The following KCNT1 variants were observed in gnomAD, a reference collection of about 807,000 sequenced individuals.
The protein encoded by KCNT1 is potassium sodium-activated channel subfamily T member 1.
Under a neutral mutation model 147.8 loss-of-function variants are expected in KCNT1, and 78 were observed. The observed-to-expected ratio is 0.53, with a 90% CI of 0.44 to 0.64. The LOEUF is 0.64. Among genes scored for constraint, KCNT1 ranks in the 30% least tolerant of loss-of-function variants. KCNT1 has a pLI of 0.00. For synonymous variants in KCNT1, 867 were observed against 748.8 expected (o/e 1.16, Z -2.58); for missense variants, 1,419 against 1,750.3 (o/e 0.81, Z 3.38).
At position 135,702,299 on chromosome 9, in the gene KCNT1, G is replaced by C. The variant is rs750374521; in HGVS notation, c.41G>C (p.Cys14Ser). ...GGGGCGCGGACCCCGGGGGGCGTCTGCCGGGAGGCGCGCGGCGGGGGCTAC... is the reference window on the plus strand; with the variant it reads ...GGGGCGCGGACCCCGGGGGGCGTCTCCCGGGAGGCGCGCGGCGGGGGCTAC... ...PDGARTPGGV[C>S]REARGGGYTN... The change falls in exon 1 of 31, where the codon TGC becomes TCC. Residue 14 changes from cysteine to serine, a missense_variant. Physicochemically the swap from Cys to Ser is moderately radical, Grantham distance 112 (BLOSUM62 -1). Transcript: ENST00000371757. 3.7e-6 allele frequency: 6 copies of C among 1,610,058 alleles called. No homozygotes were observed. In the African/African-American group the frequency reaches 8.0e-5, roughly 22 times the overall value.
intron 24 of KCNT1, among the ~76,000 whole-genome samples, chr9:135,781,362 G>T (rs1032522390): frequency 2.0e-5 from 3 of 152,126 alleles, no homozygotes; most frequent in African/African-American, 4.8e-5. Flanking sequence ...AGAGGGTGCC[G>T]TGGACCACCT....
chr9:135,772,628 G>A, intron 18 of KCNT1, 87 bp from the exon 19 acceptor site: 2 of 1,010,168 alleles, frequency 2.0e-6, no homozygotes, highest in Non-Finnish European at 2.7e-6. Context: ...GGTCTCCAGA[G>A]CTGACTGTGT....
At chr9:135,776,110 T>A (rs1271571069) in intron 20 of KCNT1, among the ~76,000 whole-genome samples, 1 of 152,072 alleles carries the variant, frequency 6.6e-6, no homozygotes, top group Non-Finnish European at 1.5e-5. Context: ...CATGGCAAGC[T>A]GGGGTCAGTA....
At chr9:135,754,111 G>A (rs1055274360) in intron 5 of KCNT1, 118 bp downstream of exon 5, 1 of 891,702 alleles carries the variant, frequency 1.1e-6, no homozygotes, top group African/African-American at 1.7e-5. Context: ...CTGGGACCAG[G>A]GTGGGGTGGG....
chr9:135,775,324 A>G lies in KCNT1; in HGVS notation c.2258A>G (p.Tyr753Cys), dbSNP rs745342758. ...TCCTGCCCCAGGTATGTGAAGGGCT[A>G]CCCTCCCAACTCGCCCTACATCGGC... ...GLSVVEYVKG[Y>C]PPNSPYIGSS... is the part of the protein sequence containing the mutation. Residue 753 changes from tyrosine to cysteine, a missense_variant, in exon 20 of 31, where the codon TAC becomes TGC. Physicochemically the swap from Tyr to Cys is radical, Grantham distance 194. Around this residue, in one of 5 missense-constraint regions of KCNT1, gnomAD observed 247 missense variants for 397.1 expected, o/e 0.62. Coordinates refer to ENST00000371757, the MANE Select transcript of KCNT1 (RefSeq NM_020822.3). 1.2e-6 allele frequency: 2 copies of G among 1,607,074 alleles called. No individual in the cohort carries two copies. The highest frequency in any genetic ancestry group is 4.5e-5 in the East Asian group (2 of 44,626).
At chr9:135,757,502 C>A in intron 9 of KCNT1, 121 bp downstream of exon 9, 2 of 852,124 alleles carry the variant, frequency 2.3e-6, no homozygotes, top group Non-Finnish European at 3.8e-6. Flanking sequence ...CTGTAGAGGA[C>A]CGGGAAGCCA....
In KCNT1 at chr9:135,795,460, C is replaced by CAA. The variant is rs1834741363; in HGVS notation, c.*3304_*3305dup. On this transcript the variant is annotated 3_prime_UTR_variant, in exon 31 of 31. Coordinates refer to ENST00000371757, the MANE Select transcript of KCNT1 (RefSeq NM_020822.3). ...CCCTGTCTCAAACAAAACAAACAAA[C>CAA]AAAAAAGAAAAAGAAAATAAAACTG... The CAA allele has an allele frequency of 6.6e-6, 1 of 151,688 alleles. No homozygotes were observed. Among genetic ancestry groups the CAA allele is most frequent in the Non-Finnish European group, 1.5e-5 (1 of 67,912 alleles). 9.4% of individuals were successfully genotyped at this position (151,688 alleles called of 1,614,324 possible).
At chr9:135,772,604 C>T in intron 18 of KCNT1, 111 bp from the exon 19 acceptor site, 3 of 706,028 alleles carry the variant, frequency 4.2e-6, no homozygotes, top group Non-Finnish European at 2.1e-6. Context: ...AGCACAGGAG[C>T]CAGGCCATGA....
At chr9:135,711,759 G>T (rs1345939382) in intron 1 of KCNT1, among the ~76,000 whole-genome samples, 1 of 152,218 alleles carries the variant, frequency 6.6e-6, no homozygotes, top group Non-Finnish European at 1.5e-5. Context: ...TCTCTGATGG[G>T]CCTCAGCTGA....
chr9:135,720,238 G>T (rs1486291309), intron 2 of KCNT1, among the ~76,000 whole-genome samples: 1 of 152,076 alleles, frequency 6.6e-6, no homozygotes, highest in East Asian at 2.0e-4. Flanking sequence ...CAGGGACAGG[G>T]TAGCTGGGAA....
intron 2 of KCNT1, among the ~76,000 whole-genome samples, chr9:135,726,516 C>T (rs929580634): frequency 1.3e-5 from 2 of 152,202 alleles, no homozygotes; most frequent in Non-Finnish European, 2.9e-5. Context: ...TAGGTAGAAC[C>T]TGTTGGGAGG....
intron 24 of KCNT1, among the ~76,000 whole-genome samples, chr9:135,781,891 C>T (rs1833636906): frequency 6.6e-6 from 1 of 152,024 alleles, no homozygotes; most frequent in Non-Finnish European, 1.5e-5. Context: ...GAGACCAGCC[C>T]AGGCAACATA....
intron 29 of KCNT1, among the ~76,000 whole-genome samples, chr9:135,788,662 C>G (rs745903027): frequency 6.6e-6 from 1 of 152,184 alleles, no homozygotes; most frequent in South Asian, 2.1e-4. Context: ...GTGGGGACTC[C>G]AAGCCACGAG....
At chr9:135,768,587 G>A (rs1004043394) in intron 13 of KCNT1, 23 bp from the exon 14 acceptor site, 22 of 1,547,924 alleles carry the variant, frequency 1.4e-5, no homozygotes, top group African/African-American at 6.8e-5. Flanking sequence ...CTCCACCCAC[G>A]CTCAGGCCCT....
chr9:135,713,200 C>T (rs1270590837), intron 1 of KCNT1, among the ~76,000 whole-genome samples: 1 of 152,250 alleles, frequency 6.6e-6, no homozygotes, highest in Non-Finnish European at 1.5e-5. Context: ...GAAAATAGAG[C>T]CCCGACCCCT....
intron 1 of KCNT1, among the ~76,000 whole-genome samples, chr9:135,710,484 A>C (rs911653863): frequency 1.3e-5 from 2 of 152,186 alleles, no homozygotes; most frequent in Non-Finnish European, 2.9e-5. Context: ...TGATATTTGC[A>C]ACCGTGACTT....
chr9:135,776,061 G>A (rs1833149292), intron 20 of KCNT1, among the ~76,000 whole-genome samples: 2 of 152,026 alleles, frequency 1.3e-5, no homozygotes, highest in South Asian at 4.2e-4. Flanking sequence ...GAAACTCGGG[G>A]GTCAATTGTC....
intron 2 of KCNT1, among the ~76,000 whole-genome samples, chr9:135,731,966 A>ATATATATATATATATATATG (rs1554766102): frequency 5.2e-5 from 1 of 19,388 alleles, no homozygotes; most frequent in South Asian, 3.2e-3. Context: ...GCGTGTATAT[A>ATATATATATATATATATATG]TATATATATA....
chr9:135,769,489 T>C (rs1832595766), intron 15 of KCNT1, among the ~76,000 whole-genome samples: 1 of 152,126 alleles, frequency 6.6e-6, no homozygotes, highest in Admixed American at 6.5e-5. Context: ...GTCCAAACTC[T>C]TCAGATGAAG....
Sources: gnomAD v4.1 joint callset for allele counts (sites outside exome capture counted in the v4.1 genomes callset) on GRCh38, gnomAD v4.1.1 for gene constraint, gnomAD v4.1.1 regional missense constraint, MANE v1.5 for transcripts, NCBI Gene and HGNC (gene_info 2026-07-23, HGNC 2026-07-21) for gene names.